The following ZNF398 variants were observed in gnomAD, a reference collection of about 807,000 sequenced individuals.
ZNF398 encodes the protein zinc finger protein 398, also known as zinc finger DNA binding protein ZER6.
Under a neutral mutation model 41.9 loss-of-function variants are expected in ZNF398, and 18 were observed. The ratio of observed to expected loss-of-function variants is 0.43; its 90% confidence interval spans 0.30 to 0.64. The LOEUF (loss-of-function observed/expected upper bound fraction) is 0.64. Among genes scored for constraint, ZNF398 ranks in the 30% least tolerant of loss-of-function variants. The pLI is 0.14. For synonymous variants in ZNF398, 260 were observed against 308.8 expected (o/e 0.84, Z 1.66); for missense variants, 669 against 822.8 (o/e 0.81, Z 2.29).
intron 2 of ZNF398, among the ~76,000 whole-genome samples, chr7:149,156,861 CAAA>C (rs11400806): frequency 7.1e-6 from 1 of 141,176 alleles, no homozygotes; most frequent in Non-Finnish European, 1.5e-5. Context: ...AACTCCATTT[CAAA>C]AAAAAAAAAA....
At chr7:149,153,236 A>G (rs936513618) in intron 1 of ZNF398, among the ~76,000 whole-genome samples, 1 of 152,160 alleles carries the variant, frequency 6.6e-6, no homozygotes, top group Non-Finnish European at 1.5e-5. Flanking sequence ...CCAGCTACTT[A>G]GGAGGTTGAG....
chr7:149,173,258 C>T (rs1363493252), intron 4 of ZNF398, among the ~76,000 whole-genome samples: 1 of 151,904 alleles, frequency 6.6e-6, no homozygotes, highest in Non-Finnish European at 1.5e-5. Flanking sequence ...GCGCCTACCA[C>T]CATGCCTGGC....
At chr7:149,157,948 G>T (rs1010312143) in intron 2 of ZNF398, among the ~76,000 whole-genome samples, 1 of 151,926 alleles carries the variant, frequency 6.6e-6, no homozygotes, top group African/African-American at 2.4e-5. Flanking sequence ...GGTGGCAGGC[G>T]CCTGTAGTCC....
chr7:149,148,497 T>C (rs1050582931), intron 1 of ZNF398: 5 of 985,332 alleles, frequency 5.1e-6, no homozygotes, highest in Non-Finnish European at 6.0e-6. Context: ...TGGTCACCTC[T>C]AGGAGAGCAA....
intron 2 of ZNF398, among the ~76,000 whole-genome samples, chr7:149,164,978 TG>T (rs1186241606): frequency 1.3e-5 from 2 of 151,350 alleles, no homozygotes; most frequent in East Asian, 3.9e-4. Flanking sequence ...CCCGTAATCC[TG>T]GCTACTTGGG....
chr7:149,162,803 C>T (rs1391010734), intron 2 of ZNF398, among the ~76,000 whole-genome samples: 2 of 151,792 alleles, frequency 1.3e-5, no homozygotes, highest in Non-Finnish European at 2.9e-5. Flanking sequence ...CACGCCTGTA[C>T]TCCCAGCACT....
At chr7:149,176,400 C>T in intron 4 of ZNF398, 68 bp from the exon 5 acceptor site, 1 of 1,087,730 alleles carries the variant, frequency 9.2e-7, no homozygotes, top group Non-Finnish European at 1.4e-6. Context: ...GTTCAGCAAA[C>T]CAACTTGATT....
intron 2 of ZNF398, among the ~76,000 whole-genome samples, chr7:149,130,108 A>G (rs1469852670): frequency 6.7e-6 from 1 of 149,024 alleles, no homozygotes; most frequent in East Asian, 2.0e-4. Context: ...CTATTTATTT[A>G]TTTTTGAGAT....
intron 2 of ZNF398, among the ~76,000 whole-genome samples, chr7:149,133,341 A>G (rs1264767334): frequency 6.6e-6 from 1 of 151,810 alleles, no homozygotes; most frequent in Non-Finnish European, 1.5e-5. Context: ...CTGGAACTCC[A>G]GGGCTCAAGT....
rs752941648 is a variant in ZNF398 at position 149,179,397 on chromosome 7, C to T, written c.1525C>T (p.Arg509Cys). Residue 509 changes from arginine (R) to cysteine (C), a missense_variant, in exon 6 of 6, where the codon CGT becomes TGT. Arg to Cys is a radical substitution (Grantham distance 180, BLOSUM62 -3). This residue lies in a region of ZNF398 where 210 missense variants were observed against 290.4 expected (regional missense o/e 0.72). Transcript: ENST00000475153. The surrounding 1 kb of genome is among the most constrained non-coding windows in gnomAD (Gnocchi z 6.1). The part of the protein sequence containing the change: ...IRHQMIHTGE[R>C]PYPCTDCSKS... ...CCACCAGATGATCCACACAGGCGAG[C>T]GTCCTTACCCCTGCACTGACTGCAG... 3 of 1,613,806 alleles carry T rather than the reference C, an allele frequency of 1.9e-6. No individual in the cohort carries two copies. Among genetic ancestry groups the T allele is most frequent in the East Asian group, 2.2e-5 (1 of 44,882 alleles).
Position 149,178,871 on chromosome 7 carries a change from C to CCTCTGATAGGTGGGAG in ZNF398, c.1002_1003insTGATAGGTGGGAGCTC (p.Pro335Ter). On this transcript the variant is annotated stop_gained and frameshift_variant, in exon 6 of 6. Transcript: ENST00000475153. LOFTEE classifies it low-confidence loss of function (END_TRUNC). ...CTTTTACTCAGTTGGGTAGCTATCC[C>CCTCTGATAGGTGGGAG]CTCCCACCTCCAGTTGGCGAGCAGG... is the stretch of plus-strand genomic sequence containing the variant. The CCTCTGATAGGTGGGAG allele has an allele frequency of 1.9e-6, 3 of 1,614,072 alleles. No individual in the cohort carries two copies. Among genetic ancestry groups the CCTCTGATAGGTGGGAG allele is most frequent in the Non-Finnish European group, 1.7e-6 (2 of 1,179,960 alleles).
At position 149,179,270 on chromosome 7, in the gene ZNF398, GA is replaced by G; in HGVS notation, c.1402del (p.Ile468SerfsTer31). 6.2e-7 allele frequency: 1 copy of G among 1,613,112 alleles called. No individual in the cohort carries two copies. The highest frequency in any genetic ancestry group is 8.5e-7 in the Non-Finnish European group (1 of 1,179,982). ...CCCAGTGCGGCAGGAGCTTCAGCTTGAAAATCAGCCTCCTGCTCCACCAGCG... is the reference window on the plus strand; with the variant it reads ...CCCAGTGCGGCAGGAGCTTCAGCTTGAAATCAGCCTCCTGCTCCACCAGCG... ...CAQCGRSFSL[K>X]ISLLLHQRGH... On this transcript the variant is annotated frameshift_variant, in exon 6 of 6. Transcript: ENST00000475153. LOFTEE classifies it high-confidence loss of function. The surrounding 1 kb of genome is among the most constrained non-coding windows in gnomAD (Gnocchi z 6.1).
At chr7:149,148,196 A>C (rs1263605228) in intron 1 of ZNF398, 1 of 171,582 alleles carries the variant, frequency 5.8e-6, no homozygotes. Flanking sequence ...GCGGAGGCGC[A>C]TTCCCGCCGC....
Position 149,147,918 on chromosome 7 carries a change from G to A in ZNF398, c.24+152G>A. ...GCCCGTGCTTGGCGGCTGCAGCCTCGCGTGAGGGGACTTAGCGGGTGGGTG... is the reference window on the plus strand; with the variant it reads ...GCCCGTGCTTGGCGGCTGCAGCCTCACGTGAGGGGACTTAGCGGGTGGGTG... On this transcript the variant is annotated intron_variant, in intron 1 of 5. Transcript: ENST00000475153. This position sits in a 1 kb window ranked among gnomAD's most constrained non-coding sequence, Gnocchi z 5.6. 2.0e-6 allele frequency: 2 copies of A among 1,021,564 alleles called. No homozygotes were observed. The highest frequency in any genetic ancestry group is 1.3e-6 in the Non-Finnish European group (1 of 782,860). 63.3% of individuals were successfully genotyped at this position (1,021,564 alleles called of 1,614,324 possible).
intron 4 of ZNF398, among the ~76,000 whole-genome samples, chr7:149,175,240 C>G (rs1012246930): frequency 2.6e-5 from 4 of 152,086 alleles, no homozygotes; most frequent in African/African-American, 9.7e-5. Context: ...AAACCATATT[C>G]TGCCCACAAG....
chr7:149,169,377 G>A (rs1024678698), intron 4 of ZNF398, among the ~76,000 whole-genome samples: 53 of 152,216 alleles, frequency 3.5e-4, no homozygotes, highest in African/African-American at 1.3e-3. Context: ...GAGCCACCGT[G>A]CCTGGCCTGT....
Position 149,180,381 on chromosome 7 carries a change from C to T in ZNF398, c.*580C>T, listed in dbSNP as rs1374701241. ...TTCCCTGAAACATGGTAACTCAAGACTGCCTGCCTAGGTTTCTTAGATTAA... is the reference window on the plus strand; with the variant it reads ...TTCCCTGAAACATGGTAACTCAAGATTGCCTGCCTAGGTTTCTTAGATTAA... On this transcript the variant is annotated 3_prime_UTR_variant, in exon 6 of 6. Coordinates refer to ENST00000475153, the MANE Select transcript of ZNF398 (RefSeq NM_170686.3). 3.3e-5 allele frequency: 5 copies of T among 152,356 alleles called. No homozygotes were observed. Among genetic ancestry groups the T allele is most frequent in the Admixed American group, 3.3e-4 (5 of 15,312 alleles). The allele number at this position is 152,356 out of a possible 1,614,324, so 9.4% of individuals were successfully genotyped here.
chr7:149,127,209 A>G (rs1826498728), intron 1 of ZNF398, among the ~76,000 whole-genome samples: 1 of 152,102 alleles, frequency 6.6e-6, no homozygotes, highest in Non-Finnish European at 1.5e-5. Flanking sequence ...TCCCCAGAAA[A>G]TCAACCTCGC....
At chr7:149,137,578 C>T (rs4461815) in intron 2 of ZNF398, among the ~76,000 whole-genome samples, 81,130 of 151,836 alleles carry the variant, frequency 0.53, 25,163 homozygotes, top group East Asian at 0.9. Context: ...GACGGGTTTT[C>T]ACCATATTGG....
Sources: allele counts gnomAD v4.1 joint callset (sites outside exome capture counted in the v4.1 genomes callset), GRCh38; gene constraint gnomAD v4.1.1; regional missense constraint gnomAD v4.1.1; non-coding constraint Gnocchi (gnomAD v3.1); transcripts MANE v1.5; gene names NCBI Gene and HGNC (gene_info 2026-07-23, HGNC 2026-07-21).